Variants in DLGAP1 observed in about 807,000 individuals in gnomAD.
The protein encoded by DLGAP1 is disks large-associated protein 1.
Under a neutral mutation model 90.8 loss-of-function variants are expected in DLGAP1, and 11 were observed. The observed-to-expected ratio is 0.12, with a 90% CI of 0.08 to 0.20. The LOEUF is 0.20. Ranked by LOEUF, DLGAP1 falls within the 10% of genes least tolerant of loss-of-function variation. DLGAP1 has a pLI of 1.00. For missense variants in DLGAP1, 1,050 were observed against 1,333.8 expected, an observed-to-expected ratio of 0.79 and a Z score of 3.31; for synonymous variants, 558 against 540.7, an observed-to-expected ratio of 1.03 and a Z score of -0.44.
chr18:3,913,749 A>G (rs2072084450), intron 3 of DLGAP1, among the ~76,000 whole-genome samples: 1 of 152,216 alleles, frequency 6.6e-6, no homozygotes. Flanking sequence ...TGAATATACT[A>G]TGGCTGAAAA....
At chr18:3,586,380 C>T (rs1466796169) in intron 7 of DLGAP1, among the ~76,000 whole-genome samples, 2 of 152,164 alleles carry the variant, frequency 1.3e-5, no homozygotes, top group African/African-American at 4.8e-5. Flanking sequence ...AACCATCTCC[C>T]ATGCTGTTAT....
intron 3 of DLGAP1, chr18:3,995,377 T>A (rs1329835655): frequency 6.6e-6 from 1 of 152,148 alleles, no homozygotes; most frequent in Admixed American, 6.5e-5. Flanking sequence ...TACTGGCACT[T>A]GGGGTTAGTA....
At chr18:3,959,471 A>T (rs1599222293) in intron 3 of DLGAP1, among the ~76,000 whole-genome samples, 1 of 152,124 alleles carries the variant, frequency 6.6e-6, no homozygotes, top group Non-Finnish European at 1.5e-5. Context: ...GTCCGAGACC[A>T]GCCTGACCAA....
intron 1 of DLGAP1, among the ~76,000 whole-genome samples, chr18:4,152,089 C>T (rs2076684046): frequency 6.6e-6 from 1 of 152,142 alleles, no homozygotes; most frequent in African/African-American, 2.4e-5. Flanking sequence ...TGCTATATGG[C>T]TGAGCTATGA....
chr18:3,992,882 G>A (rs113927907), intron 3 of DLGAP1, among the ~76,000 whole-genome samples: 39 of 152,222 alleles, frequency 2.6e-4, no homozygotes, highest in Middle Eastern at 3.4e-3. Flanking sequence ...GAAAAGGAAC[G>A]CTGGCAATTC....
chr18:4,327,982 G>A (rs1186777112), intron 1 of DLGAP1, among the ~76,000 whole-genome samples: 1 of 151,858 alleles, frequency 6.6e-6, no homozygotes, highest in Non-Finnish European at 1.5e-5. Flanking sequence ...AATATAATAC[G>A]AAAAGACTGA....
At chr18:4,308,517 A>G (rs2080319502) in intron 1 of DLGAP1, among the ~76,000 whole-genome samples, 1 of 152,212 alleles carries the variant, frequency 6.6e-6, no homozygotes, top group Non-Finnish European at 1.5e-5. Flanking sequence ...CCAATTATGG[A>G]AAGAATTATT....
intron 1 of DLGAP1, among the ~76,000 whole-genome samples, chr18:4,277,707 T>A (rs777756649): frequency 1.1e-4 from 17 of 152,204 alleles, no homozygotes; most frequent in East Asian, 3.8e-4. Context: ...TTATCCCACA[T>A]TACTGCAGCC....
intron 8 of DLGAP1, among the ~76,000 whole-genome samples, chr18:3,567,942 G>A (rs561118353): frequency 1.7e-4 from 26 of 152,052 alleles, no homozygotes; most frequent in Middle Eastern, 6.8e-3. Flanking sequence ...TCTGTCGCCC[G>A]GGCTGGAGTG....
At chr18:3,628,133 C>T (rs1396426016) in intron 7 of DLGAP1, among the ~76,000 whole-genome samples, 3 of 151,634 alleles carry the variant, frequency 2.0e-5, no homozygotes, top group African/African-American at 7.3e-5. Context: ...GCCTTGGCCT[C>T]CCAAAGTGGT....
chr18:3,893,617 T>G (rs965824321), intron 3 of DLGAP1, among the ~76,000 whole-genome samples: 6 of 140,230 alleles, frequency 4.3e-5, no homozygotes, highest in Admixed American at 1.5e-4. Context: ...ATAATAATAA[T>G]AATAAGAACA....
At chr18:4,105,617 A>C (rs1161421235) in intron 2 of DLGAP1, among the ~76,000 whole-genome samples, 1 of 152,232 alleles carries the variant, frequency 6.6e-6, no homozygotes, top group Admixed American at 6.5e-5. Flanking sequence ...AACCCAAAGA[A>C]ACATGTAAAT....
intron 1 of DLGAP1, among the ~76,000 whole-genome samples, chr18:4,235,685 T>C (rs1201059543): frequency 4.0e-5 from 6 of 151,552 alleles, no homozygotes; most frequent in Non-Finnish European, 7.4e-5. Context: ...TCTGTCAACA[T>C]GGTTTACAGT....
rs58376566 is a variant in DLGAP1, at chr18:4,218,826, T to TACACAC, written c.-266-67545_-266-67540dup. ...GATAAAGAAAATGTGTATACATACATACACACACACACACACACACACACA... is the reference window on the plus strand; with the variant it reads ...GATAAAGAAAATGTGTATACATACATACACACACACACACACACACACACACACACA... On this transcript the variant is annotated intron_variant, in intron 1 of 12. Coordinates refer to ENST00000315677, the MANE Select transcript of DLGAP1 (RefSeq NM_004746.4). Among the ~76,000 whole-genome samples the TACACAC allele has an allele frequency of 2.1e-3, 309 of 145,814 alleles. 1 individual carries two copies. The highest frequency in any genetic ancestry group is 3.8e-3 in the African/African-American group (149 of 39,722).
chr18:4,153,240 T>C (rs1247940179), intron 1 of DLGAP1, among the ~76,000 whole-genome samples: 4 of 152,228 alleles, frequency 2.6e-5, no homozygotes, highest in Admixed American at 6.5e-5. Context: ...AATACAATTA[T>C]AGAATTTCAT....
At chr18:3,893,087 T>C (rs2071519236) in intron 3 of DLGAP1, among the ~76,000 whole-genome samples, 3 of 151,924 alleles carry the variant, frequency 2.0e-5, no homozygotes, top group East Asian at 1.9e-4. Context: ...CCAATGTCTA[T>C]TATTCCATTC....
At chr18:4,215,597 T>C (rs958817396) in intron 1 of DLGAP1, among the ~76,000 whole-genome samples, 3 of 152,176 alleles carry the variant, frequency 2.0e-5, no homozygotes, top group African/African-American at 7.2e-5. Flanking sequence ...TCTGGTTCTA[T>C]GTGGCCAGTA....
At chr18:3,551,116 T>C (rs934516082) in intron 9 of DLGAP1, among the ~76,000 whole-genome samples, 1 of 151,898 alleles carries the variant, frequency 6.6e-6, no homozygotes, top group African/African-American at 2.4e-5. Context: ...CATCAGTTTG[T>C]TGTATTTTGT....
intron 4 of DLGAP1, among the ~76,000 whole-genome samples, chr18:3,866,919 T>C (rs2070423268): frequency 6.6e-6 from 1 of 152,234 alleles, no homozygotes. Context: ...GGTGCTACCT[T>C]GGATCACTGT....
Sources: allele counts gnomAD v4.1 joint callset (sites outside exome capture counted in the v4.1 genomes callset), GRCh38; gene constraint gnomAD v4.1.1; transcripts MANE v1.5; gene names NCBI Gene and HGNC (gene_info 2026-07-23, HGNC 2026-07-21).